TNKS: variants seen among roughly 807,000 people sequenced by gnomAD.
The protein encoded by TNKS is poly [ADP-ribose] polymerase tankyrase-1.
Under a neutral mutation model 135.8 loss-of-function variants are expected in TNKS, and 72 were observed. That is an observed-to-expected ratio of 0.53 (90% CI 0.44 to 0.64). The LOEUF is 0.64. Among genes scored for constraint, TNKS ranks in the 30% least tolerant of loss-of-function variants. The pLI is 0.00. For synonymous variants in TNKS, 849 were observed against 649.3 expected (o/e 1.31, Z -4.68); for missense variants, 1,769 against 1,674.0 (o/e 1.06, Z -0.99).
intron 26 of TNKS, among the ~76,000 whole-genome samples, chr8:9,774,683 A>T (rs77169271): frequency 0.085 from 12,876 of 152,164 alleles, 614 homozygotes; most frequent in South Asian, 0.17. Flanking sequence ...TAGCCTAATC[A>T]TTAGGAACCG....
chr8:9,600,763 A>C (rs1318702632), intron 2 of TNKS, among the ~76,000 whole-genome samples: 2 of 152,148 alleles, frequency 1.3e-5, no homozygotes, highest in Non-Finnish European at 1.5e-5. Flanking sequence ...CAGAATTCTG[A>C]ATTTTGGGTC....
At chr8:9,701,039 T>G (rs1342009341) in intron 5 of TNKS, among the ~76,000 whole-genome samples, 1 of 151,808 alleles carries the variant, frequency 6.6e-6, no homozygotes, top group East Asian at 1.9e-4. Flanking sequence ...GTTCATACCA[T>G]TCTCCTGCCT....
At chr8:9,588,175 C>T (rs1478248793) in intron 2 of TNKS, among the ~76,000 whole-genome samples, 3 of 152,002 alleles carry the variant, frequency 2.0e-5, no homozygotes, top group African/African-American at 7.2e-5. Flanking sequence ...GTGGAGAGTC[C>T]TTGTCCTTAT....
chr8:9,688,526 G>A (rs964259395), intron 5 of TNKS, among the ~76,000 whole-genome samples: 3 of 152,290 alleles, frequency 2.0e-5, no homozygotes, highest in East Asian at 1.9e-4. Flanking sequence ...CATTGACAGG[G>A]TAGCTTCAAC....
intron 24 of TNKS, 33 bp from the exon 25 acceptor site, chr8:9,766,206 C>CA: frequency 6.4e-7 from 1 of 1,571,874 alleles, no homozygotes; most frequent in Non-Finnish European, 8.7e-7. Flanking sequence ...GAAAAGTGTT[C>CA]AAAAACGAAT....
chr8:9,653,930 C>T (rs937372808), intron 3 of TNKS, among the ~76,000 whole-genome samples: 1 of 152,156 alleles, frequency 6.6e-6, no homozygotes, highest in East Asian at 1.9e-4. Context: ...CTCTGTGTCT[C>T]CATTTCCTGT....
chr8:9,680,642 T>C (rs1172039347), intron 4 of TNKS, 83 bp from the exon 5 acceptor site: 2 of 899,510 alleles, frequency 2.2e-6, no homozygotes, highest in Admixed American at 4.1e-5. Context: ...ACCCATATTT[T>C]ACTCTCGTGT....
Position 9,776,936 on chromosome 8 carries a change from AATG to A in TNKS, c.*201_*203del. 1 of 521,178 alleles carries A rather than the reference AATG, an allele frequency of 1.9e-6. No homozygotes were observed. Among genetic ancestry groups the A allele is most frequent in the Non-Finnish European group, 3.4e-6 (1 of 298,124 alleles). The allele number at this position is 521,178 out of a possible 1,614,324, so 32.3% of individuals were successfully genotyped here. A position where few individuals can be genotyped will look rare whatever the true frequency, so the allele number is the denominator to read the frequency against. On this transcript the variant is annotated 3_prime_UTR_variant, in exon 27 of 27. Transcript: ENST00000310430. Reference sequence around the variant, plus strand: ...CAACTGCTACTGTTCCCTTTGAGGAAATGTTTACAGGGGCGGCCTTTTAACATA... The same window carrying A: ...CAACTGCTACTGTTCCCTTTGAGGAATTTACAGGGGCGGCCTTTTAACATA...
At chr8:9,584,985 A>G (rs1798314968) in intron 2 of TNKS, among the ~76,000 whole-genome samples, 2 of 152,162 alleles carry the variant, frequency 1.3e-5, no homozygotes, top group Admixed American at 1.3e-4. Flanking sequence ...ATAACAGCCC[A>G]TCTCAGCCAG....
chr8:9,746,819 G>GT (rs1224883405), intron 17 of TNKS, among the ~76,000 whole-genome samples: 2 of 147,336 alleles, frequency 1.4e-5, no homozygotes, highest in African/African-American at 5.0e-5. Flanking sequence ...TTACTTTGAT[G>GT]TTTTACCTCA....
At chr8:9,589,099 C>G (rs372240368) in intron 2 of TNKS, among the ~76,000 whole-genome samples, 15 of 152,052 alleles carry the variant, frequency 9.9e-5, no homozygotes, top group Non-Finnish European at 1.8e-4. Context: ...TCCCACTGAA[C>G]CTATTGACAT....
chr8:9,598,798 T>C (rs1202438392), intron 2 of TNKS, among the ~76,000 whole-genome samples: 1 of 92,494 alleles, frequency 1.1e-5, no homozygotes, highest in Non-Finnish European at 2.3e-5. Context: ...TATATATATA[T>C]ATATATATAT....
At chr8:9,732,127 A>G (rs1805476845) in intron 14 of TNKS, among the ~76,000 whole-genome samples, 2 of 152,174 alleles carry the variant, frequency 1.3e-5, no homozygotes, top group Non-Finnish European at 2.9e-5. Flanking sequence ...GTTATTGTTT[A>G]TTCTTCTTTT....
intron 2 of TNKS, among the ~76,000 whole-genome samples, chr8:9,604,497 A>T (rs77626814): frequency 1.3e-5 from 2 of 152,214 alleles, no homozygotes; most frequent in East Asian, 3.9e-4. Context: ...TGCCTAACAT[A>T]TATAACGTAT....
At chr8:9,597,372 A>G (rs1395538495) in intron 2 of TNKS, among the ~76,000 whole-genome samples, 2 of 152,188 alleles carry the variant, frequency 1.3e-5, no homozygotes, top group Non-Finnish European at 2.9e-5. Context: ...CAAAGCGGAC[A>G]CTCAATCAAA....
chr8:9,726,592 A>C (rs374861538), intron 12 of TNKS, 49 bp from the exon 13 acceptor site: 3 of 1,368,080 alleles, frequency 2.2e-6, no homozygotes, highest in Middle Eastern at 1.8e-4. Flanking sequence ...TGCAGTTGGA[A>C]TATATGAGTT....
Position 9,766,272 on chromosome 8 carries a change from G to A in TNKS, c.3587G>A (p.Gly1196Glu). The stretch of plus-strand genomic sequence containing the variant: ...TTCATTAATGCCATTATTCATAAAG[G>A]GTTTGATGAGCGACATGCATACATA... ...SPFINAIIHK[G>E]FDERHAYIGG... The change falls in exon 25 of 27, where the codon GGG becomes GAG. Residue 1196 changes from glycine (G) to glutamate (E), a missense_variant. Gly to Glu is a moderately conservative substitution (Grantham distance 98). Around this residue, in one of 5 missense-constraint regions of TNKS, gnomAD observed 722 missense variants for 688.9 expected, o/e 1.05. Coordinates refer to ENST00000310430, the MANE Select transcript of TNKS (RefSeq NM_003747.3). 1 of 1,613,022 alleles carries A rather than the reference G, an allele frequency of 6.2e-7. No homozygotes were observed. Among genetic ancestry groups the A allele is most frequent in the Non-Finnish European group, 8.5e-7 (1 of 1,179,568 alleles).
chr8:9,575,131 G>A (rs1563394158), intron 1 of TNKS: 1 of 941,946 alleles, frequency 1.1e-6, no homozygotes, highest in East Asian at 1.2e-4. Flanking sequence ...CTGTTGCCCA[G>A]GCTGGAGTAT....
At chr8:9,733,173 G>A in intron 14 of TNKS, 106 bp from the exon 15 acceptor site, 2 of 1,032,340 alleles carry the variant, frequency 1.9e-6, no homozygotes, top group Non-Finnish European at 2.7e-6. Flanking sequence ...TTTGCGCAGT[G>A]TTCAGTATAG....
Sources: allele counts gnomAD v4.1 joint callset (sites outside exome capture counted in the v4.1 genomes callset), GRCh38; gene constraint gnomAD v4.1.1; regional missense constraint gnomAD v4.1.1; transcripts MANE v1.5; gene names NCBI Gene and HGNC (gene_info 2026-07-23, HGNC 2026-07-21).